The following ARRB1 variants were observed in gnomAD, a reference collection of about 807,000 sequenced individuals.
ARRB1 encodes arrestin beta 1, also known as beta-arrestin-1.
In ARRB1, 21 loss-of-function variants were observed where a neutral mutation model predicts 56.8. That is an observed-to-expected ratio of 0.37 (90% CI 0.26 to 0.53). The LOEUF (loss-of-function observed/expected upper bound fraction) is 0.53, where lower values mean the gene tolerates loss of function less well. ARRB1 is among the 20% of genes least tolerant of loss of function. The probability of loss-of-function intolerance (pLI) is 0.88; values close to 1 mark genes in which losing one functional copy is unlikely to be tolerated. For synonymous variants in ARRB1, 210 were observed against 218.6 expected, an observed-to-expected ratio of 0.96 and a Z score of 0.35; for missense variants, 424 against 553.7, an observed-to-expected ratio of 0.77 and a Z score of 2.35.
intron 15 of ARRB1, among the ~76,000 whole-genome samples, chr11:75,267,168 C>T (rs565344672): frequency 1.6e-4 from 24 of 152,320 alleles, no homozygotes; most frequent in Non-Finnish European, 2.8e-4. Context: ...TCCGCGCAGT[C>T]GGCCCAGGTC....
intron 1 of ARRB1, among the ~76,000 whole-genome samples, chr11:75,293,043 G>A (rs559940498): frequency 2.1e-4 from 32 of 152,142 alleles, no homozygotes; most frequent in African/African-American, 7.5e-4. Flanking sequence ...ACAATAAAGA[G>A]GAGAAATGAG....
At chr11:75,312,081 A>G (rs1565134075) in intron 1 of ARRB1, 1 of 1,289,386 alleles carries the variant, frequency 7.8e-7, no homozygotes, top group Non-Finnish European at 1.0e-6. Context: ...TCCCGCTGCA[A>G]GTCTCCTTCC....
At chr11:75,305,616 G>A (rs1333473040) in intron 1 of ARRB1, among the ~76,000 whole-genome samples, 1 of 152,060 alleles carries the variant, frequency 6.6e-6, no homozygotes, top group Middle Eastern at 3.2e-3. Context: ...GCACACTGTT[G>A]GGTGTAACCC....
intron 1 of ARRB1, among the ~76,000 whole-genome samples, chr11:75,346,909 C>T (rs908777712): frequency 7.2e-5 from 11 of 152,342 alleles, no homozygotes; most frequent in African/African-American, 2.4e-4. Flanking sequence ...CAGCCTATAA[C>T]AGACTGCCCT....
intron 1 of ARRB1, among the ~76,000 whole-genome samples, chr11:75,300,338 A>T (rs909693803): frequency 6.6e-6 from 1 of 152,196 alleles, no homozygotes; most frequent in South Asian, 2.1e-4. Context: ...CAACTCTATA[A>T]TAAGTGTTAC....
intron 1 of ARRB1, among the ~76,000 whole-genome samples, chr11:75,307,257 G>T (rs1023502176): frequency 6.6e-6 from 1 of 152,178 alleles, no homozygotes; most frequent in African/African-American, 2.4e-5. Flanking sequence ...AAAGTGAAGG[G>T]GTCAAAGGTG....
chr11:75,270,145 C>T (rs994871334), intron 13 of ARRB1, among the ~76,000 whole-genome samples: 3 of 152,270 alleles, frequency 2.0e-5, no homozygotes, highest in Non-Finnish European at 4.4e-5. Context: ...TCTAGAACCA[C>T]GGGAACTTCT....
intron 14 of ARRB1, among the ~76,000 whole-genome samples, chr11:75,268,622 A>T (rs77891894): frequency 6.6e-6 from 1 of 151,600 alleles, no homozygotes; most frequent in Non-Finnish European, 1.5e-5. Flanking sequence ...GATCCAGCCC[A>T]TGCCTGGGTG....
At chr11:75,269,577 G>A (rs1946027263) in intron 13 of ARRB1, among the ~76,000 whole-genome samples, 1 of 152,256 alleles carries the variant, frequency 6.6e-6, no homozygotes, top group African/African-American at 2.4e-5. Context: ...CCACCAGCCA[G>A]TGCTTCTGAT....
At chr11:75,283,797 G>A (rs1352276974) in intron 4 of ARRB1, among the ~76,000 whole-genome samples, 2 of 152,170 alleles carry the variant, frequency 1.3e-5, no homozygotes, top group African/African-American at 2.4e-5. Context: ...GGAGTAGTCT[G>A]GCAGGCCTGG....
At chr11:75,334,306 CAAA>C (rs11403871) in intron 1 of ARRB1, among the ~76,000 whole-genome samples, 3 of 109,722 alleles carry the variant, frequency 2.7e-5, no homozygotes, top group East Asian at 2.9e-4. Flanking sequence ...CCGTCTCAAA[CAAA>C]AAAAAAAAAA....
At chr11:75,290,223 G>A (rs1946575936) in intron 1 of ARRB1, among the ~76,000 whole-genome samples, 184 bp from the exon 2 acceptor site, 2 of 152,220 alleles carry the variant, frequency 1.3e-5, no homozygotes, top group Admixed American at 6.5e-5. Flanking sequence ...AAGCCTCCAC[G>A]ATAGCCATTA....
intron 1 of ARRB1, among the ~76,000 whole-genome samples, chr11:75,347,204 G>GAGGCC (rs1416553927): frequency 6.6e-6 from 1 of 152,256 alleles, no homozygotes; most frequent in African/African-American, 2.4e-5. Context: ...CTGAAGCCCA[G>GAGGCC]AGGCCGGCCT....
At chr11:75,314,653 T>C (rs1565135633) in intron 1 of ARRB1, among the ~76,000 whole-genome samples, 1 of 151,962 alleles carries the variant, frequency 6.6e-6, no homozygotes, top group Non-Finnish European at 1.5e-5. Context: ...CAGGCTGGAG[T>C]GCAGTGGCAC....
At chr11:75,336,282 CT>C (rs1416239416) in intron 1 of ARRB1, among the ~76,000 whole-genome samples, 7 of 152,096 alleles carry the variant, frequency 4.6e-5, no homozygotes, top group African/African-American at 1.7e-4. Flanking sequence ...GCACATGGCC[CT>C]TGGGAGCCTG....
At position 75,276,862 on chromosome 11, in the gene ARRB1, G is replaced by A; in HGVS notation, c.753C>T (p.Cys251=). The A allele has an allele frequency of 6.2e-7, 1 of 1,614,128 alleles. No individual in the cohort carries two copies. Among genetic ancestry groups the A allele is most frequent in the Non-Finnish European group, 8.5e-7 (1 of 1,179,960 alleles). ...ICLFNTAQYK[C]PVAMEEADDT... ...ACTCAGCCTCTTCCATGGCAACAGG[G>A]CACTTGTACTGAGCTGTGTTGAAAA... The change falls in exon 10 of 16, where the codon TGC becomes TGT. Residue 251 remains cysteine, a synonymous_variant. Coordinates refer to ENST00000420843, the MANE Select transcript of ARRB1 (RefSeq NM_004041.5).
Position 75,281,052 on chromosome 11 carries a change from C to T in ARRB1, c.482+23G>A, listed in dbSNP as rs1004430673. On this transcript the variant is annotated intron_variant, in intron 7 of 15. Transcript: ENST00000420843. ...CTCCCTCCCTCACCCAGCAGGCGGCCCACACCCTGGCATCCTACTCACCGC... is the reference window on the plus strand; with the variant it reads ...CTCCCTCCCTCACCCAGCAGGCGGCTCACACCCTGGCATCCTACTCACCGC... 2.5e-6 allele frequency: 4 copies of T among 1,592,604 alleles called. No individual in the cohort carries two copies. In the African/African-American group the frequency reaches 5.4e-5, roughly 21 times the overall value.
Position 75,289,006 on chromosome 11 carries a change from C to T in ARRB1, c.51+1003G>A, listed in dbSNP as rs1018864778. Reference sequence around the variant, plus strand: ...ATTCCAAGTGCCAAGTCTGATCTACCGGCGGGGAGAGGGGACGGGGAGCTG... The same window carrying T: ...ATTCCAAGTGCCAAGTCTGATCTACTGGCGGGGAGAGGGGACGGGGAGCTG... On this transcript the variant is annotated intron_variant, in intron 2 of 15. Transcript: ENST00000420843. Among the ~76,000 whole-genome samples, 11 of 152,288 alleles carry T rather than the reference C, an allele frequency of 7.2e-5. No individual in the cohort carries two copies. In the East Asian group the frequency reaches 7.7e-4, roughly 11 times the overall value.
intron 1 of ARRB1, among the ~76,000 whole-genome samples, chr11:75,321,495 G>T (rs1375145383): frequency 6.6e-6 from 1 of 152,076 alleles, no homozygotes; most frequent in East Asian, 1.9e-4. Flanking sequence ...TTTGAGAGAG[G>T]CTTTATGGGA....
Sources: allele counts gnomAD v4.1 joint callset (sites outside exome capture counted in the v4.1 genomes callset), GRCh38; gene constraint gnomAD v4.1.1; transcripts MANE v1.5; gene names NCBI Gene and HGNC (gene_info 2026-07-23, HGNC 2026-07-21).